CRYBG2: variants seen among roughly 807,000 people sequenced by gnomAD.
CRYBG2 encodes the protein beta/gamma crystallin domain-containing protein 2.
A neutral mutation model predicts 153.4 loss-of-function variants in CRYBG2; 106 were observed. That is an observed-to-expected ratio of 0.69 (90% CI 0.59 to 0.81). The LOEUF is 0.81. CRYBG2 is among the 30% of genes least tolerant of loss of function. The pLI is 0.00. For synonymous variants in CRYBG2, 851 were observed against 877.8 expected (o/e 0.97, Z 0.54); for missense variants, 1,996 against 2,112.0 (o/e 0.95, Z 1.08).
intron 7 of CRYBG2, 59 bp from the exon 8 acceptor site, chr1:26,338,106 C>T (rs1490469692): frequency 3.1e-6 from 5 of 1,587,972 alleles, no homozygotes; most frequent in Admixed American, 1.8e-5. Context: ...GATGGGGCTG[C>T]GGATCTAGGA....
At position 26,338,339 on chromosome 1, in the gene CRYBG2, C is replaced by T; in HGVS notation, c.3471+12G>A. ...TAGACCTCCTGGCCTGTGGGTGTGC[C>T]CTGTTCTTTACCAATCTCATGGGCT... On this transcript the variant is annotated intron_variant, in intron 7 of 19. Transcript: ENST00000308182. The T allele has an allele frequency of 6.3e-7, 1 of 1,590,902 alleles. No homozygotes were observed. The highest frequency in any genetic ancestry group is 8.5e-7 in the Non-Finnish European group (1 of 1,169,906).
chr1:26,340,509 C>G (rs1044377745), intron 5 of CRYBG2, among the ~76,000 whole-genome samples: 2 of 152,196 alleles, frequency 1.3e-5, no homozygotes, highest in African/African-American at 4.8e-5. Context: ...GACTTCAAAG[C>G]CTTTACCTCC....
Position 26,344,121 on chromosome 1 carries a change from T to G in CRYBG2, c.2537A>C (p.Gln846Pro). The G allele has an allele frequency of 6.5e-7, 1 of 1,536,136 alleles. No homozygotes were observed. The highest frequency in any genetic ancestry group is 8.7e-7 in the Non-Finnish European group (1 of 1,146,872). The change falls in exon 2 of 20, where the codon CAG becomes CCG. Residue 846 changes from glutamine (Q) to proline (P), a missense_variant. Transcript: ENST00000308182. ...NPYLSDDEKL[Q>P]RRQEKAGPSP... The stretch of plus-strand genomic sequence containing the variant: ...GGGCCCAGCTTTCTCCTGCCTGCGC[T>G]GGAGCTTCTCATCGTCACTCAGATA...
intron 18 of CRYBG2, among the ~76,000 whole-genome samples, chr1:26,323,929 G>A (rs909175565): frequency 5.3e-5 from 8 of 152,158 alleles, no homozygotes; most frequent in African/African-American, 1.9e-4. Context: ...ATTAGAGCTG[G>A]GAGGTCCCTT....
chr1:26,337,750 T>A, intron 8 of CRYBG2, 76 bp from the exon 9 acceptor site: 1 of 1,563,998 alleles, frequency 6.4e-7, no homozygotes, highest in East Asian at 2.3e-5. Flanking sequence ...CTGCCCAGCA[T>A]CAGGCCAATG....
Position 26,336,629 on chromosome 1 carries a change from C to G in CRYBG2, c.4015G>C (p.Ala1339Pro). The G allele has an allele frequency of 6.5e-7, 1 of 1,550,216 alleles. No individual in the cohort carries two copies. The highest frequency in any genetic ancestry group is 2.0e-5 in the Admixed American group (1 of 50,988). ...EDWGAGNSTL[A>P]SLQPVLQVGE... ...ACCTGTAGGACCGGCTGCAGCGAGG[C>G]GAGGGTGCTGTTGCCAGCGCCCCAG... Residue 1339 changes from alanine to proline, a missense_variant, in exon 12 of 20, where the codon GCC becomes CCC. Transcript: ENST00000308182. This position sits in a 1 kb window ranked among gnomAD's most constrained non-coding sequence, Gnocchi z 4.9.
rs536339271 is a variant in CRYBG2 at position 26,326,766 on chromosome 1, G to A, written c.4578+1443C>T. 574 of 477,354 alleles carry A rather than the reference G, an allele frequency of 1.2e-3. 7 individuals carry two copies. The highest frequency in any genetic ancestry group is 3.8e-4 in the Non-Finnish European group (90 of 237,608). The allele number at this position is 477,354 out of a possible 1,614,324, so 29.6% of individuals were successfully genotyped here. On this transcript the variant is annotated intron_variant, in intron 17 of 19. Transcript: ENST00000308182. ...AAAACTAGGCTGTCCTGAGCCCCTCGTAATAGAATTGTTGACCTCTATACC... is the reference window on the plus strand; with the variant it reads ...AAAACTAGGCTGTCCTGAGCCCCTCATAATAGAATTGTTGACCTCTATACC...
rs1182999460 is a variant in CRYBG2 at position 26,322,021 on chromosome 1, A to G, written c.4933T>C (p.Trp1645Arg). 1 of 1,607,448 alleles carries G rather than the reference A, an allele frequency of 6.2e-7. No homozygotes were observed. The highest frequency in any genetic ancestry group is 1.1e-5 in the South Asian group (1 of 90,866). Reference protein sequence around the residue: ...RGYDRDHVVLWEPDEDRASQI... With the variant: ...RGYDRDHVVLREPDEDRASQI... Reference sequence around the variant, plus strand: ...GATGCCCTGTCCTCATCCGGCTCCCATAGCACCACGTGGTCCCGGTCGTAG... The same window carrying G: ...GATGCCCTGTCCTCATCCGGCTCCCGTAGCACCACGTGGTCCCGGTCGTAG... Residue 1645 changes from tryptophan (W) to arginine (R), a missense_variant, in exon 20 of 20, where the codon TGG (tryptophan) becomes CGG (arginine). By Grantham distance (101) the Trp-to-Arg change is moderately radical. Transcript: ENST00000308182.
chr1:26,343,083 C>T lies in CRYBG2; in HGVS notation c.3038G>A (p.Trp1013Ter). 3 of 1,550,414 alleles carry T rather than the reference C, an allele frequency of 1.9e-6. No homozygotes were observed. Among genetic ancestry groups the T allele is most frequent in the Non-Finnish European group, 2.6e-6 (3 of 1,146,970 alleles). Residue 1013 changes from tryptophan to a stop codon, truncating the protein, a stop_gained, in exon 4 of 20, where the codon TGG becomes TAG. Transcript: ENST00000308182. LOFTEE classifies it high-confidence loss of function. The surrounding 1 kb of genome is among the most constrained non-coding windows in gnomAD (Gnocchi z 4.1). ...TACCCTTATGGAGGCTACGGGGGCC[C>T]AGCCTGAGGCATCAACGATGTCTCC... is the stretch of plus-strand genomic sequence containing the variant. Reference protein sequence around the residue: ...VWGDIVDASGWAPVASIRVVR... With the variant: ...VWGDIVDASG
At chr1:26,352,200 GAC>G (rs1044137092) in intron 1 of CRYBG2, among the ~76,000 whole-genome samples, 2 of 152,076 alleles carry the variant, frequency 1.3e-5, no homozygotes, top group Admixed American at 1.3e-4. Flanking sequence ...CGCAGGCACA[GAC>G]ACACAGACAG....
At position 26,331,603 on chromosome 1, in the gene CRYBG2, A is replaced by G. The variant is rs1430108129; in HGVS notation, c.4200T>C (p.Asp1400=). ...RVHGGSWILF[D]ETNFEGDQHI... ...GCTGGTCACCCTCGAAGTTCGTCTC[A>G]TCAAACAGGATCCAGCTAGGGAAGG... Residue 1400 remains aspartate, a synonymous_variant, in exon 15 of 20, where the codon GAT becomes GAC. Coordinates refer to ENST00000308182, the MANE Select transcript of CRYBG2 (RefSeq NM_001039775.4). 1 of 1,614,016 alleles carries G rather than the reference A, an allele frequency of 6.2e-7. No homozygotes were observed. The highest frequency in any genetic ancestry group is 8.5e-7 in the Non-Finnish European group (1 of 1,180,010).
rs374452979 is a variant in CRYBG2, at chr1:26,336,235, A to G, written c.4072-28T>C. The G allele has an allele frequency of 2.0e-5, 31 of 1,573,026 alleles. No individual in the cohort carries two copies. Among genetic ancestry groups the G allele is most frequent in the Non-Finnish European group, 2.5e-5 (29 of 1,157,332 alleles). On this transcript the variant is annotated intron_variant, in intron 13 of 19. Transcript: ENST00000308182. This position sits in a 1 kb window ranked among gnomAD's most constrained non-coding sequence, Gnocchi z 4.9. ...GGAGGCAGAGAGGGGAGATGAGGGGAAGGAGGACGATGGAGTGGGGCCGAG... is the reference window on the plus strand; with the variant it reads ...GGAGGCAGAGAGGGGAGATGAGGGGGAGGAGGACGATGGAGTGGGGCCGAG...
chr1:26,329,631 T>C (rs2073976128), intron 15 of CRYBG2, among the ~76,000 whole-genome samples: 1 of 151,744 alleles, frequency 6.6e-6, no homozygotes. Flanking sequence ...AGGCACATGC[T>C]ACCATGCCCA....
chr1:26,334,704 C>A (rs906553615), intron 14 of CRYBG2, among the ~76,000 whole-genome samples: 1 of 151,928 alleles, frequency 6.6e-6, no homozygotes. Context: ...GGGGGCGGAT[C>A]ATGAGGTCAA....
chr1:26,349,840 G>A (rs535009464), intron 1 of CRYBG2, among the ~76,000 whole-genome samples: 150 of 138,348 alleles, frequency 1.1e-3, no homozygotes, highest in African/African-American at 4.0e-3. Flanking sequence ...TTTGAGACAG[G>A]GTTTTGCTCT....
intron 9 of CRYBG2, 43 bp downstream of exon 9, chr1:26,337,495 G>C (rs758342452): frequency 6.2e-7 from 1 of 1,608,844 alleles, no homozygotes; most frequent in Admixed American, 1.7e-5. Context: ...CAAGGGTAAA[G>C]GCCAGAGGTG....
chr1:26,344,123 G>C lies in CRYBG2; in HGVS notation c.2535C>G (p.Leu845=). 2 of 1,536,090 alleles carry C rather than the reference G, an allele frequency of 1.3e-6. No individual in the cohort carries two copies. Among genetic ancestry groups the C allele is most frequent in the Non-Finnish European group, 1.7e-6 (2 of 1,146,884 alleles). ...GCCCAGCTTTCTCCTGCCTGCGCTG[G>C]AGCTTCTCATCGTCACTCAGATAGG... ...ENPYLSDDEK[L]QRRQEKAGPS... Residue 845 remains leucine, a synonymous_variant, in exon 2 of 20, where the codon CTC becomes CTG. Transcript: ENST00000308182.
chr1:26,338,184 C>T (rs1287323637), intron 7 of CRYBG2, 137 bp from the exon 8 acceptor site: 2 of 1,405,918 alleles, frequency 1.4e-6, no homozygotes. Context: ...TTAATCCCTA[C>T]CTCTCCTCCC....
At chr1:26,352,515 C>G (rs559136553) in intron 1 of CRYBG2, among the ~76,000 whole-genome samples, 2 of 152,284 alleles carry the variant, frequency 1.3e-5, no homozygotes, top group South Asian at 4.1e-4. Flanking sequence ...GTATCTTACA[C>G]ATTCCCACTG....
Sources: allele counts gnomAD v4.1 joint callset (sites outside exome capture counted in the v4.1 genomes callset), GRCh38; gene constraint gnomAD v4.1.1; non-coding constraint Gnocchi (gnomAD v3.1); transcripts MANE v1.5; gene names NCBI Gene and HGNC (gene_info 2026-07-23, HGNC 2026-07-21).